The following HSD17B6 variants were observed in gnomAD, a reference collection of about 807,000 sequenced individuals.
The protein encoded by HSD17B6 is hydroxysteroid 17-beta dehydrogenase 6, also known as 17-beta-hydroxysteroid dehydrogenase type 6.
Under a neutral mutation model 26.4 loss-of-function variants are expected in HSD17B6, and 16 were observed. The observed-to-expected ratio is 0.61, with a 90% confidence interval of 0.41 to 0.92. The LOEUF is 0.92. Among genes scored for constraint, HSD17B6 ranks in the 40% least tolerant of loss-of-function variants. The pLI, the probability that HSD17B6 is intolerant of heterozygous loss-of-function variation, is 0.00. For missense variants in HSD17B6, 357 were observed against 386.1 expected (o/e 0.92, Z 0.63); for synonymous variants, 139 against 153.0 (o/e 0.91, Z 0.68).
intron 1 of HSD17B6, among the ~76,000 whole-genome samples, chr12:56,769,036 G>A (rs138370695): frequency 2.5e-4 from 38 of 151,844 alleles, no homozygotes; most frequent in Middle Eastern, 3.4e-3. Context: ...AGAGGGGAGT[G>A]GGGGGAGGGG....
intron 3 of HSD17B6, among the ~76,000 whole-genome samples, chr12:56,783,756 T>C (rs1954799879): frequency 8.9e-6 from 1 of 112,598 alleles, no homozygotes; most frequent in South Asian, 3.3e-4. Context: ...CACTTCCCAG[T>C]AGGGGCGGCC....
chr12:56,774,176 T>C lies in HSD17B6; in HGVS notation c.313+11T>C. 6.5e-7 allele frequency: 1 copy of C among 1,529,190 alleles called. No individual in the cohort carries two copies. The highest frequency in any genetic ancestry group is 2.1e-5 in the Admixed American group (1 of 46,962). 94.7% of individuals were successfully genotyped at this position (1,529,190 alleles called of 1,614,324 possible). A position where few individuals can be genotyped will look rare whatever the true frequency, so the allele number is the denominator to read the frequency against. On this transcript the variant is annotated intron_variant, in intron 2 of 4. Transcript: ENST00000322165. ...ATGTGGGGGACAGAGGTATGAAATA[T>C]TTTCTCCTTTTATTTACTTAGCATG...
intron 3 of HSD17B6, 149 bp downstream of exon 3, chr12:56,782,381 C>T: frequency 2.4e-6 from 2 of 832,858 alleles, no homozygotes; most frequent in Non-Finnish European, 3.6e-6. Flanking sequence ...CTAACAGGCT[C>T]AAATTTTCTC....
chr12:56,782,035 G>C lies in HSD17B6; in HGVS notation c.375G>C (p.Leu125=). ...CACCAATTACCTTATGTGAGTGGCT[G>C]AACACTGAGGACTCTATGAATATGC... ...ILTPITLCEW[L]NTEDSMNMLK... Residue 125 remains leucine, a synonymous_variant, in exon 3 of 5, where the codon CTG becomes CTC. Coordinates refer to ENST00000322165, the MANE Select transcript of HSD17B6 (RefSeq NM_003725.4). The C allele has an allele frequency of 6.2e-7, 1 of 1,614,158 alleles. No homozygotes were observed. The highest frequency in any genetic ancestry group is 8.5e-7 in the Non-Finnish European group (1 of 1,180,006).
intron 2 of HSD17B6, among the ~76,000 whole-genome samples, chr12:56,780,979 T>A (rs554992519): frequency 9.9e-5 from 15 of 152,124 alleles, no homozygotes; most frequent in Non-Finnish European, 1.9e-4. Flanking sequence ...CCCTGTCTCC[T>A]TTGTTCAGTA....
intron 1 of HSD17B6, among the ~76,000 whole-genome samples, chr12:56,769,869 T>G (rs1954432148): frequency 9.8e-6 from 1 of 101,738 alleles, no homozygotes; most frequent in African/African-American, 2.8e-5. Context: ...GGTGTATCTC[T>G]TCTGCAGGTC....
At chr12:56,770,058 C>T (rs947792456) in intron 1 of HSD17B6, among the ~76,000 whole-genome samples, 9 of 152,012 alleles carry the variant, frequency 5.9e-5, no homozygotes, top group African/African-American at 1.9e-4. Flanking sequence ...CAGGGAATGC[C>T]ACTTAGGCAG....
intron 4 of HSD17B6, among the ~76,000 whole-genome samples, chr12:56,786,841 C>G (rs1451768830): frequency 6.6e-6 from 1 of 151,994 alleles, no homozygotes; most frequent in Non-Finnish European, 1.5e-5. Context: ...AGAGCAAGAC[C>G]CTGTCTCAAA....
At chr12:56,770,312 C>A in intron 1 of HSD17B6, 1 of 152,770 alleles carries the variant, frequency 6.5e-6, no homozygotes, top group Admixed American at 6.5e-5. Flanking sequence ...CTCTCCTTCC[C>A]AGACCAGGCT....
At chr12:56,770,210 C>T (rs1047277461) in intron 1 of HSD17B6, 2 of 152,110 alleles carry the variant, frequency 1.3e-5, no homozygotes, top group African/African-American at 2.4e-5. Context: ...GCAATATATG[C>T]CTCTCTCCAC....
intron 3 of HSD17B6, 140 bp downstream of exon 3, chr12:56,782,372 T>G: frequency 1.1e-6 from 1 of 885,638 alleles, no homozygotes; most frequent in Non-Finnish European, 1.7e-6. Flanking sequence ...TTTATATAGC[T>G]AACAGGCTCA....
intron 1 of HSD17B6, among the ~76,000 whole-genome samples, chr12:56,765,793 C>T (rs1954314989): frequency 6.6e-6 from 1 of 152,088 alleles, no homozygotes; most frequent in South Asian, 2.1e-4. Flanking sequence ...AAGTGTGAGC[C>T]ACTGTGCCCA....
In HSD17B6 at chr12:56,781,997, G is replaced by A; in HGVS notation, c.337G>A (p.Ala113Thr). Residue 113 changes from alanine (A) to threonine (T), a missense_variant, in exon 3 of 5, where the codon GCA (alanine) becomes ACA (threonine). Ala to Thr is a moderately conservative substitution (Grantham distance 58). Coordinates refer to ENST00000322165, the MANE Select transcript of HSD17B6 (RefSeq NM_003725.4). ...DRGLWGLVNN[A>T]GILTPITLCE... ...AGGACTCTGGGGACTGGTGAACAATGCAGGCATTCTTACACCAATTACCTT... is the reference window on the plus strand; with the variant it reads ...AGGACTCTGGGGACTGGTGAACAATACAGGCATTCTTACACCAATTACCTT... 6.2e-7 allele frequency: 1 copy of A among 1,614,118 alleles called. No individual in the cohort carries two copies. Among genetic ancestry groups the A allele is most frequent in the Non-Finnish European group, 8.5e-7 (1 of 1,180,016 alleles).
At chr12:56,770,954 G>A (rs1052273036) in intron 1 of HSD17B6, among the ~76,000 whole-genome samples, 2 of 152,156 alleles carry the variant, frequency 1.3e-5, no homozygotes, top group Non-Finnish European at 2.9e-5. Context: ...TCTGCTATGA[G>A]GAGTGAGGTT....
intron 1 of HSD17B6, among the ~76,000 whole-genome samples, chr12:56,772,269 CTG>C (rs1954490642): frequency 6.6e-6 from 1 of 152,124 alleles, no homozygotes; most frequent in Non-Finnish European, 1.5e-5. Context: ...CATAATGAGA[CTG>C]TGAATTCAAT....
At chr12:56,769,187 C>G (rs1400077050) in intron 1 of HSD17B6, among the ~76,000 whole-genome samples, 5 of 150,428 alleles carry the variant, frequency 3.3e-5, no homozygotes, top group African/African-American at 1.2e-4. Flanking sequence ...ACTGCAACCT[C>G]TGCCTCCCAG....
At chr12:56,779,434 G>A (rs1954665979) in intron 2 of HSD17B6, among the ~76,000 whole-genome samples, 1 of 152,134 alleles carries the variant, frequency 6.6e-6, no homozygotes, top group South Asian at 2.1e-4. Flanking sequence ...CACTGAGCCT[G>A]GCCTTAATTA....
At chr12:56,783,265 G>A (rs1482766249) in intron 3 of HSD17B6, among the ~76,000 whole-genome samples, 1 of 150,504 alleles carries the variant, frequency 6.6e-6, no homozygotes, top group African/African-American at 2.4e-5. Context: ...CCGGGCGGGG[G>A]GCTGACCCCC....
chr12:56,774,759 T>C (rs1954554631), intron 2 of HSD17B6, among the ~76,000 whole-genome samples: 1 of 152,212 alleles, frequency 6.6e-6, no homozygotes, highest in Non-Finnish European at 1.5e-5. Flanking sequence ...CAGTTCACAA[T>C]AGGGTTAGTG....
Sources: gnomAD v4.1 joint callset for allele counts (sites outside exome capture counted in the v4.1 genomes callset) on GRCh38, gnomAD v4.1.1 for gene constraint, MANE v1.5 for transcripts, NCBI Gene and HGNC (gene_info 2026-07-23, HGNC 2026-07-21) for gene names.